Variants in NRXN3 observed in about 807,000 individuals in gnomAD.
NRXN3 encodes neurexin 3.
Under a neutral mutation model 137.6 loss-of-function variants are expected in NRXN3, and 32 were observed. That is an observed-to-expected ratio of 0.23 (90% confidence interval 0.18 to 0.31). The LOEUF (loss-of-function observed/expected upper bound fraction) is 0.31, where lower values mean the gene tolerates loss of function less well. NRXN3 is among the 10% of genes least tolerant of loss of function. The pLI, the probability that NRXN3 is intolerant of heterozygous loss-of-function variation, is 1.00. For missense variants in NRXN3, 1,574 were observed against 2,062.5 expected, an observed-to-expected ratio of 0.76 and a Z score of 4.59; for synonymous variants, 798 against 784.5, an observed-to-expected ratio of 1.02 and a Z score of -0.29.
intron 1 of NRXN3, among the ~76,000 whole-genome samples, chr14:78,197,793 C>T (rs2061357469): frequency 6.6e-6 from 1 of 152,298 alleles, no homozygotes; most frequent in African/African-American, 2.4e-5. Context: ...TCCTCTCCTG[C>T]TCAGATCAGG....
intron 8 of NRXN3, among the ~76,000 whole-genome samples, chr14:78,739,533 G>A (rs913946152): frequency 6.6e-6 from 1 of 152,142 alleles, no homozygotes; most frequent in Admixed American, 6.6e-5. Context: ...GTAAAATGGC[G>A]CGATCTTGGC....
At chr14:78,684,397 A>G (rs906267822) in intron 6 of NRXN3, among the ~76,000 whole-genome samples, 2 of 152,234 alleles carry the variant, frequency 1.3e-5, no homozygotes, top group African/African-American at 4.8e-5. Flanking sequence ...TGAAAGCTCC[A>G]AAGCCAGGAT....
At chr14:78,447,611 A>G (rs1232831251) in intron 4 of NRXN3, among the ~76,000 whole-genome samples, 1 of 152,220 alleles carries the variant, frequency 6.6e-6, no homozygotes, top group East Asian at 1.9e-4. Context: ...GGGGAGACCC[A>G]CTTTACTGTC....
intron 1 of NRXN3, among the ~76,000 whole-genome samples, chr14:78,222,589 G>T (rs1468814868): frequency 1.3e-5 from 2 of 152,162 alleles, no homozygotes; most frequent in Admixed American, 6.5e-5. Flanking sequence ...ACTCTGGCAG[G>T]GTGTTGGGAA....
intron 16 of NRXN3, among the ~76,000 whole-genome samples, chr14:79,632,729 A>AT (rs1485877074): frequency 2.0e-5 from 3 of 151,802 alleles, no homozygotes; most frequent in Non-Finnish European, 4.4e-5. Context: ...TTTTATATAT[A>AT]TTATTTAATC....
chr14:78,405,986 A>G (rs1293138221), intron 4 of NRXN3, among the ~76,000 whole-genome samples: 1 of 152,186 alleles, frequency 6.6e-6, no homozygotes, highest in East Asian at 1.9e-4. Flanking sequence ...CATATTATGC[A>G]CCATGCCTAA....
chr14:78,849,690 C>T (rs747795907), intron 10 of NRXN3, among the ~76,000 whole-genome samples: 17 of 151,954 alleles, frequency 1.1e-4, no homozygotes, highest in African/African-American at 4.8e-5. Context: ...CTCTCTATCT[C>T]GTGGAGGGAA....
At chr14:78,397,999 G>A (rs1240260685) in intron 4 of NRXN3, among the ~76,000 whole-genome samples, 1 of 150,916 alleles carries the variant, frequency 6.6e-6, no homozygotes, top group Non-Finnish European at 1.5e-5. Context: ...CAGATCACCT[G>A]AGGTCAGGAG....
intron 4 of NRXN3, among the ~76,000 whole-genome samples, chr14:78,630,153 T>C (rs61314717): frequency 0.061 from 9,272 of 152,252 alleles, 343 homozygotes; most frequent in Middle Eastern, 0.15. Flanking sequence ...TGGCTGGTTA[T>C]TCTACTTGAA....
chr14:79,628,337 T>C (rs1197437315), intron 16 of NRXN3, among the ~76,000 whole-genome samples: 4 of 152,236 alleles, frequency 2.6e-5, no homozygotes, highest in Non-Finnish European at 5.9e-5. Context: ...AAGACCTGTA[T>C]TGTTTTCTCC....
chr14:78,454,491 T>G (rs2094632844), intron 4 of NRXN3, among the ~76,000 whole-genome samples: 2 of 152,324 alleles, frequency 1.3e-5, no homozygotes, highest in African/African-American at 4.8e-5. Context: ...GGAATGGTAA[T>G]GATATTTTTT....
intron 10 of NRXN3, among the ~76,000 whole-genome samples, chr14:78,946,843 T>C (rs1436476631): frequency 1.3e-5 from 2 of 152,178 alleles, no homozygotes; most frequent in East Asian, 3.9e-4. Flanking sequence ...ATTTAAGTCT[T>C]ACTTAAGGGG....
At chr14:79,544,451 A>G (rs2097300881) in intron 16 of NRXN3, among the ~76,000 whole-genome samples, 1 of 152,206 alleles carries the variant, frequency 6.6e-6, no homozygotes, top group African/African-American at 2.4e-5. Context: ...AATAATGTGC[A>G]GTAGTAGAGA....
intron 15 of NRXN3, among the ~76,000 whole-genome samples, chr14:79,205,154 T>G (rs2066611376): frequency 6.6e-6 from 1 of 152,174 alleles, no homozygotes; most frequent in South Asian, 2.1e-4. Flanking sequence ...GAATTAAAAT[T>G]TATAATTGCC....
chr14:79,760,186 A>G (rs2099033499), intron 19 of NRXN3, among the ~76,000 whole-genome samples: 1 of 151,670 alleles, frequency 6.6e-6, no homozygotes, highest in Admixed American at 6.6e-5. Context: ...AAATGGGGTT[A>G]TATCCAACCA....
At chr14:79,406,308 C>A (rs1240502020) in intron 15 of NRXN3, among the ~76,000 whole-genome samples, 1 of 149,026 alleles carries the variant, frequency 6.7e-6, no homozygotes, top group East Asian at 2.1e-4. Flanking sequence ...CCTCTCCTCT[C>A]CTCCTCTCTT....
intron 15 of NRXN3, among the ~76,000 whole-genome samples, chr14:79,418,064 C>T (rs1452913163): frequency 6.6e-6 from 1 of 151,950 alleles, no homozygotes; most frequent in Non-Finnish European, 1.5e-5. Context: ...TGAGTTAAAC[C>T]AAGACTAAAG....
At chr14:79,487,084 A>C (rs1429519431) in intron 16 of NRXN3, among the ~76,000 whole-genome samples, 2 of 152,030 alleles carry the variant, frequency 1.3e-5, no homozygotes, top group East Asian at 3.9e-4. Flanking sequence ...CTATCACTGA[A>C]TAGCAGACTT....
At chr14:78,250,409 A>T (rs1452723346) in intron 2 of NRXN3, among the ~76,000 whole-genome samples, 1 of 152,186 alleles carries the variant, frequency 6.6e-6, no homozygotes, top group Non-Finnish European at 1.5e-5. Flanking sequence ...AGGAGATTTG[A>T]TGCTTCCTTT....
Sources: allele counts gnomAD v4.1 joint callset (sites outside exome capture counted in the v4.1 genomes callset), GRCh38; gene constraint gnomAD v4.1.1; transcripts MANE v1.5; gene names NCBI Gene and HGNC (gene_info 2026-07-23, HGNC 2026-07-21).